RP1: variants seen among roughly 807,000 people sequenced by gnomAD.
The protein encoded by RP1 is RP1 axonemal microtubule associated, also known as oxygen-regulated protein 1.
A neutral mutation model predicts 14.8 loss-of-function variants in RP1; 16 were observed. The ratio of observed to expected loss-of-function variants is 1.08; its 90% CI spans 0.73 to 1.65. RP1 has a LOEUF of 1.65. Ranked by LOEUF, RP1 falls within the 40% of genes most tolerant of loss-of-function variation. RP1 has a pLI of 0.00. For synonymous variants in RP1, 876 were observed against 883.6 expected (o/e 0.99, Z 0.15); for missense variants, 2,631 against 2,535.0 (o/e 1.04, Z -0.81).
At chr8:54,787,997 A>T (rs1437373959) in intron 24 of RP1, among the ~76,000 whole-genome samples, 1 of 152,238 alleles carries the variant, frequency 6.6e-6, no homozygotes, top group African/African-American at 2.4e-5. Flanking sequence ...AAAGAGTTAA[A>T]CATCAATGCA....
intron 12 of RP1, among the ~76,000 whole-genome samples, chr8:54,681,528 A>G (rs886312816): frequency 1.3e-5 from 2 of 149,290 alleles, no homozygotes; most frequent in African/African-American, 5.0e-5. Context: ...GTGTGTATGT[A>G]TATATGTATA....
intron 1 of RP1, among the ~76,000 whole-genome samples, chr8:54,595,747 T>G (rs1228237920): frequency 1.3e-5 from 2 of 152,264 alleles, no homozygotes; most frequent in African/African-American, 4.8e-5. Context: ...TGGATTGACT[T>G]GTCTCTCAAA....
chr8:54,673,572 T>C (rs1020207363), intron 7 of RP1, among the ~76,000 whole-genome samples: 1 of 152,088 alleles, frequency 6.6e-6, no homozygotes, highest in Non-Finnish European at 1.5e-5. Context: ...AAACCTCCTC[T>C]CTACAAAAAA....
chr8:54,706,670 T>G (rs1808157836), intron 15 of RP1: 1 of 1,535,210 alleles, frequency 6.5e-7, no homozygotes, highest in Non-Finnish European at 8.7e-7. Context: ...GCATCTGCTC[T>G]TGTTTCTCTC....
chr8:54,679,403 C>A (rs1205939766), intron 9 of RP1: 2 of 1,528,734 alleles, frequency 1.3e-6, no homozygotes, highest in Admixed American at 2.0e-5. Flanking sequence ...ATAATCGATA[C>A]ACTTTTCTTT....
In RP1 at chr8:54,621,311, A is replaced by T. The variant is rs765636720; in HGVS notation, c.345A>T (p.Val115=). ...LCSHGRKVQP[V]DLDKARRRPR... is the part of the protein sequence containing the mutation. ...CCCACGGCAGGAAGGTGCAGCCTGT[A>T]GACCTGGACAAAGCCCGTCGGCGCC... The change falls in exon 2 of 4, where the codon GTA becomes GTT. Residue 115 remains valine (V), a synonymous_variant. Coordinates refer to ENST00000220676, the MANE Select transcript of RP1 (RefSeq NM_006269.2). 8 of 1,613,386 alleles carry T rather than the reference A, an allele frequency of 5.0e-6. No individual in the cohort carries two copies. The South Asian group carries it at 7.7e-5, about 15-fold the overall frequency.
intron 25 of RP1, among the ~76,000 whole-genome samples, chr8:54,838,043 C>T (rs368014755): frequency 9.9e-5 from 15 of 152,178 alleles, no homozygotes; most frequent in African/African-American, 2.4e-4. Context: ...ATTTGGCCCA[C>T]GGGCCGCAAG....
intron 26 of RP1, among the ~76,000 whole-genome samples, chr8:54,854,631 GA>G (rs1812145571): frequency 6.6e-6 from 1 of 152,136 alleles, no homozygotes; most frequent in Non-Finnish European, 1.5e-5. Flanking sequence ...TTGGGAGGCC[GA>G]GGTGGGTGGA....
intron 19 of RP1, among the ~76,000 whole-genome samples, chr8:54,747,405 A>T (rs999868821): frequency 6.6e-5 from 10 of 152,192 alleles, no homozygotes; most frequent in African/African-American, 2.4e-4. Flanking sequence ...TTTCTTTATA[A>T]CACATCCCTT....
chr8:54,740,781 T>C (rs1312612080), intron 19 of RP1, among the ~76,000 whole-genome samples: 3 of 151,892 alleles, frequency 2.0e-5, no homozygotes, highest in African/African-American at 4.8e-5. Flanking sequence ...CGGTGGATCA[T>C]GCCTGTCATC....
intron 7 of RP1, among the ~76,000 whole-genome samples, chr8:54,671,340 T>C (rs557050239): frequency 3.3e-4 from 51 of 152,274 alleles, no homozygotes; most frequent in African/African-American, 9.1e-4. Context: ...TTTTAGCTCA[T>C]TGAGCTTCTT....
At chr8:54,699,430 C>A (rs2129342747) in intron 12 of RP1, 1 of 1,136,438 alleles carries the variant, frequency 8.8e-7, no homozygotes, top group South Asian at 2.6e-5. Flanking sequence ...TTTTAAAAGC[C>A]AAACTTGCTT....
At chr8:54,720,201 A>G in exon 16 of RP1, 1 of 1,535,816 alleles carries the variant, frequency 6.5e-7, no homozygotes, top group Non-Finnish European at 8.7e-7. Context: ...CCTGGAATCT[A>G]CGAAGAGCCC....
intron 7 of RP1, among the ~76,000 whole-genome samples, chr8:54,669,175 T>A (rs542162759): frequency 6.9e-4 from 105 of 151,652 alleles, no homozygotes; most frequent in Middle Eastern, 6.8e-3. Flanking sequence ...TTAAACAAAT[T>A]TACAAGAAAA....
At chr8:54,699,433 A>C (rs1270576212) in intron 12 of RP1, 2 of 1,157,040 alleles carry the variant, frequency 1.7e-6, no homozygotes, top group African/African-American at 1.6e-5. Flanking sequence ...TAAAAGCCAA[A>C]CTTGCTTTCT....
chr8:54,776,449 C>T (rs986714447), intron 23 of RP1, among the ~76,000 whole-genome samples: 1 of 152,350 alleles, frequency 6.6e-6, no homozygotes, highest in Middle Eastern at 3.4e-3. Flanking sequence ...TGCCAAAGCA[C>T]TGGGATTACA....
rs771806208 is a variant in RP1, at chr8:54,625,982, G to A, written c.2100G>A (p.Glu700=). The A allele has an allele frequency of 3.1e-6, 5 of 1,613,854 alleles. No individual in the cohort carries two copies. The highest frequency in any genetic ancestry group is 3.3e-4 in the Middle Eastern group (2 of 6,068). Residue 700 remains glutamate, a synonymous_variant, in exon 4 of 4, where the codon GAG becomes GAA. Transcript: ENST00000220676. ...CCAAAGGAATTCTTAATAAGAATGAGAGAATAAACACAAAAGGTAGAATTA... is the reference window on the plus strand; with the variant it reads ...CCAAAGGAATTCTTAATAAGAATGAAAGAATAAACACAAAAGGTAGAATTA... ...LATKGILNKN[E]RINTKGRITK... is the part of the protein sequence containing the mutation.
chr8:54,686,784 A>G (rs1042846780), intron 12 of RP1, among the ~76,000 whole-genome samples: 4 of 152,158 alleles, frequency 2.6e-5, no homozygotes, highest in Admixed American at 6.6e-5. Context: ...ATCCCTTGAC[A>G]TTTCAAAATA....
intron 1 of RP1, among the ~76,000 whole-genome samples, chr8:54,573,384 T>C (rs1001090216): frequency 2.0e-5 from 3 of 152,180 alleles, no homozygotes; most frequent in Admixed American, 6.5e-5. Flanking sequence ...GGAAGTTAAA[T>C]TGTTAGTGTT....
Sources: allele counts gnomAD v4.1 joint callset (sites outside exome capture counted in the v4.1 genomes callset), GRCh38; gene constraint gnomAD v4.1.1; transcripts MANE v1.5; gene names NCBI Gene and HGNC (gene_info 2026-07-23, HGNC 2026-07-21).